The following CHRM3 variants were observed in gnomAD, a reference collection of about 807,000 sequenced individuals.
CHRM3 encodes muscarinic acetylcholine receptor M3.
A neutral mutation model predicts 41.8 loss-of-function variants in CHRM3; 11 were observed. The ratio of observed to expected loss-of-function variants is 0.26; its 90% CI spans 0.17 to 0.44. The LOEUF (loss-of-function observed/expected upper bound fraction) is 0.44, where lower values mean the gene tolerates loss of function less well. CHRM3 is among the 20% of genes least tolerant of loss of function. The pLI is 1.00. For missense variants in CHRM3, 571 were observed against 745.4 expected, an observed-to-expected ratio of 0.77 and a Z score of 2.72; for synonymous variants, 297 against 301.4, an observed-to-expected ratio of 0.99 and a Z score of 0.15.
At chr1:239,406,323 T>G (rs1008123594) in intron 1 of CHRM3, among the ~76,000 whole-genome samples, 1 of 152,208 alleles carries the variant, frequency 6.6e-6, no homozygotes, top group African/African-American at 2.4e-5. Context: ...CCCTGGTGGC[T>G]CCAGGAAGTA....
chr1:239,487,900 T>G (rs949913206), intron 1 of CHRM3, among the ~76,000 whole-genome samples: 5 of 140,024 alleles, frequency 3.6e-5, no homozygotes, highest in African/African-American at 1.3e-4. Flanking sequence ...AAGAAAAATA[T>G]CCTTAAAAGA....
At chr1:239,898,262 T>G (rs993933366) in intron 6 of CHRM3, 1 of 152,224 alleles carries the variant, frequency 6.6e-6, no homozygotes, top group Admixed American at 6.5e-5. Flanking sequence ...GTCACCAGCA[T>G]GGGGAACGGG....
intron 1 of CHRM3, among the ~76,000 whole-genome samples, chr1:239,407,421 G>C (rs35261223): frequency 2.6e-5 from 3 of 117,142 alleles, no homozygotes; most frequent in African/African-American, 5.6e-5. Flanking sequence ...TATATATAGA[G>C]AGAGAGAGAG....
intron 5 of CHRM3, among the ~76,000 whole-genome samples, chr1:239,826,448 C>G (rs12138860): frequency 0.088 from 13,435 of 152,208 alleles, 825 homozygotes; most frequent in East Asian, 0.32. Context: ...TGTTCTTCAG[C>G]ATCAGTGCAT....
chr1:239,669,253 C>T (rs1674123227), intron 4 of CHRM3, among the ~76,000 whole-genome samples: 1 of 152,124 alleles, frequency 6.6e-6, no homozygotes, highest in Non-Finnish European at 1.5e-5. Context: ...TATTCTTTCC[C>T]TTTTAAACTT....
chr1:239,646,166 G>T (rs1165375146), intron 4 of CHRM3, among the ~76,000 whole-genome samples: 1 of 152,146 alleles, frequency 6.6e-6, no homozygotes, highest in Admixed American at 6.5e-5. Flanking sequence ...AATTTACACA[G>T]TTTCTTAGTA....
chr1:239,878,325 A>C (rs1189237710), intron 6 of CHRM3, among the ~76,000 whole-genome samples: 2 of 152,166 alleles, frequency 1.3e-5, no homozygotes, highest in Non-Finnish European at 2.9e-5. Flanking sequence ...TATAAGGAGC[A>C]CACAAGCTAG....
Position 239,435,318 on chromosome 1 carries a change from C to T in CHRM3, c.-521+48091C>T, listed in dbSNP as rs879564901. Among the ~76,000 whole-genome samples, 15 of 151,898 alleles carry T rather than the reference C, an allele frequency of 9.9e-5. 1 individual carries two copies. Among genetic ancestry groups the T allele is most frequent in the Non-Finnish European group, 1.8e-4 (12 of 67,932 alleles). ...TACAAAAATCAGCCGGGTGTGGTGG[C>T]GGGTGCCTGTAGTCCAGCTACTCGG... On this transcript the variant is annotated intron_variant, in intron 1 of 6. Transcript: ENST00000676153.
In CHRM3 at chr1:239,834,148, T is replaced by TCACACACACACACA. The variant is rs34990180; in HGVS notation, c.-20+6798_-20+6811dup. On this transcript the variant is annotated intron_variant, in intron 6 of 6. Coordinates refer to ENST00000676153, the MANE Select transcript of CHRM3 (RefSeq NM_001375978.1). ...CCCCTTCTGGCTGTATAATTCCACA[T>TCACACACACACACA]CACACACACACACACACACACACAC... 2.6e-3 allele frequency among the ~76,000 whole-genome samples: 346 copies of TCACACACACACACA among 135,302 alleles called. 1 individual carries two copies. Among genetic ancestry groups the TCACACACACACACA allele is most frequent in the African/African-American group, 3.0e-3 (109 of 36,430 alleles). 88.8% of individuals were successfully genotyped at this position (135,302 alleles called of 152,430 possible). A position where few individuals can be genotyped will look rare whatever the true frequency, so the allele number is the denominator to read the frequency against.
chr1:239,616,237 CT>C (rs1667619977), intron 3 of CHRM3, among the ~76,000 whole-genome samples: 1 of 152,092 alleles, frequency 6.6e-6, no homozygotes, highest in South Asian at 2.1e-4. Flanking sequence ...TAATATATGT[CT>C]TTTTAAAGAT....
At chr1:239,876,121 T>C (rs913746593) in intron 6 of CHRM3, among the ~76,000 whole-genome samples, 1 of 152,224 alleles carries the variant, frequency 6.6e-6, no homozygotes, top group Non-Finnish European at 1.5e-5. Flanking sequence ...TATGTTCAGC[T>C]CGTTGGTCCA....
chr1:239,403,654 G>A (rs933068628), intron 1 of CHRM3, among the ~76,000 whole-genome samples: 1 of 151,886 alleles, frequency 6.6e-6, no homozygotes, highest in African/African-American at 2.4e-5. Flanking sequence ...AGTCATTATT[G>A]GTTGATCATC....
chr1:239,691,774 A>C (rs1659744150), intron 5 of CHRM3, among the ~76,000 whole-genome samples: 1 of 152,192 alleles, frequency 6.6e-6, no homozygotes, highest in South Asian at 2.1e-4. Context: ...ATAGTGAATT[A>C]AATGTCTGTC....
intron 5 of CHRM3, among the ~76,000 whole-genome samples, chr1:239,761,308 TGTGTGTATAA>T (rs1195401850): frequency 6.6e-6 from 1 of 152,200 alleles, no homozygotes; most frequent in African/African-American, 2.4e-5. Context: ...AGAGATTGTG[TGTGTGTATAA>T]GCTCTTTTAA....
chr1:239,784,169 T>C (rs1668718413), intron 5 of CHRM3, among the ~76,000 whole-genome samples: 1 of 152,186 alleles, frequency 6.6e-6, no homozygotes, highest in South Asian at 2.1e-4. Context: ...CTTTTTATCA[T>C]TGTGCAATGC....
chr1:239,561,602 T>G (rs1056811477), intron 3 of CHRM3, among the ~76,000 whole-genome samples: 2 of 151,740 alleles, frequency 1.3e-5, no homozygotes, highest in African/African-American at 4.8e-5. Flanking sequence ...TAAGAATAGA[T>G]AATAGTAATA....
At chr1:239,651,364 C>T (rs1018899694) in intron 4 of CHRM3, among the ~76,000 whole-genome samples, 3 of 152,170 alleles carry the variant, frequency 2.0e-5, no homozygotes, top group South Asian at 2.1e-4. Flanking sequence ...TTCTAAGACA[C>T]GTCTTTAAAT....
At chr1:239,870,311 A>C (rs1676464678) in intron 6 of CHRM3, among the ~76,000 whole-genome samples, 1 of 152,218 alleles carries the variant, frequency 6.6e-6, no homozygotes, top group African/African-American at 2.4e-5. Flanking sequence ...GGTGGGTAAC[A>C]GTTGTCCAGA....
intron 6 of CHRM3, among the ~76,000 whole-genome samples, chr1:239,830,353 T>C (rs1172455156): frequency 2.0e-5 from 3 of 152,220 alleles, no homozygotes; most frequent in Non-Finnish European, 4.4e-5. Flanking sequence ...GTATGTGAAA[T>C]TTAACATGAT....
Sources: allele counts gnomAD v4.1 joint callset (sites outside exome capture counted in the v4.1 genomes callset), GRCh38; gene constraint gnomAD v4.1.1; transcripts MANE v1.5; gene names NCBI Gene and HGNC (gene_info 2026-07-23, HGNC 2026-07-21).